The following CLDN25 variants were observed in gnomAD, a reference collection of about 807,000 sequenced individuals.
CLDN25 encodes claudin-25.
For synonymous variants in CLDN25, 117 were observed against 112.7 expected (o/e 1.04, Z -0.24); for missense variants, 286 against 279.7 (o/e 1.02, Z -0.16).
At chr11:113,780,154 T>G (rs1358522794) in exon 1 of CLDN25, 1 of 1,614,034 alleles carries the variant, frequency 6.2e-7, no homozygotes, top group East Asian at 2.2e-5. Flanking sequence ...CGGCTTGGTC[T>G]CCTGGGAAGG....
exon 1 of CLDN25, chr11:113,780,457 T>C: frequency 6.2e-7 from 1 of 1,613,344 alleles, no homozygotes. Flanking sequence ...TTCCACCTCA[T>C]GCTAAGACCT....
exon 1 of CLDN25, chr11:113,779,817 A>G (rs375569415): frequency 2.0e-5 from 32 of 1,611,972 alleles, no homozygotes; most frequent in South Asian, 1.5e-4. Flanking sequence ...TTTCCGTGCA[A>G]AAGTCCAGCT....
exon 1 of CLDN25, chr11:113,780,072 T>G: frequency 1.2e-6 from 2 of 1,614,028 alleles, no homozygotes; most frequent in Non-Finnish European, 1.7e-6. Flanking sequence ...GCTGGGCCTA[T>G]TGGGGCTTTT....
In CLDN25 at chr11:113,780,072, T is replaced by C. The variant is rs372181019; in HGVS notation, c.277T>C (p.Leu93=). Residue 93 remains leucine (L), a synonymous_variant, in exon 1 of 1, where the codon TTG becomes CTG. Transcript: ENST00000453129. Reference sequence around the variant, plus strand: ...GGTAGCCTCCCATGGGCTGGGCCTATTGGGGCTTTTGCTCTGCAGCTTTGG... The same window carrying C: ...GGTAGCCTCCCATGGGCTGGGCCTACTGGGGCTTTTGCTCTGCAGCTTTGG... The C allele has an allele frequency of 6.8e-6, 11 of 1,613,910 alleles. No homozygotes were observed. The African/African-American group carries it at 1.2e-4, about 18-fold the overall frequency.
At chr11:113,780,185 A>G in exon 1 of CLDN25, 1 of 1,613,982 alleles carries the variant, frequency 6.2e-7, no homozygotes. Flanking sequence ...CATCCGCTTC[A>G]GCCACTACCC....
chr11:113,780,208 C>G (rs1937804040), exon 1 of CLDN25: 1 of 1,613,968 alleles, frequency 6.2e-7, no homozygotes, highest in East Asian at 2.2e-5. Flanking sequence ...CTTCCAGTCT[C>G]CTGGGTGGCC....
chr11:113,780,008 G>A (rs368118465), exon 1 of CLDN25: 101 of 1,613,924 alleles, frequency 6.3e-5, no homozygotes, highest in Non-Finnish European at 6.9e-5. Context: ...AATCCTTCTT[G>A]TCTCTGCCCC....
chr11:113,780,458 G>T (rs751696048), exon 1 of CLDN25: 1 of 1,613,262 alleles, frequency 6.2e-7, no homozygotes, highest in Non-Finnish European at 8.5e-7. Context: ...TCCACCTCAT[G>T]CTAAGACCTA....
chr11:113,779,933 G>A lies in CLDN25; in HGVS notation c.138G>A (p.Trp46Ter). The change falls in exon 1 of 1, where the codon TGG (tryptophan) becomes TGA (stop). Residue 46 changes from tryptophan (W) to a stop codon, truncating the protein, a stop_gained. Transcript: ENST00000453129. LOFTEE classifies it low-confidence loss of function (END_TRUNC). ...TGGAACTGAACGAGATGGAGACCTG[G>A]ATCATGGGGATTTGGGAGGTCTGCG... 3 of 1,614,008 alleles carry A rather than the reference G, an allele frequency of 1.9e-6. No homozygotes were observed. Among genetic ancestry groups the A allele is most frequent in the Middle Eastern group, 1.6e-4 (1 of 6,062 alleles).
exon 1 of CLDN25, chr11:113,780,050 A>G (rs1315111495): frequency 2.2e-5 from 36 of 1,613,986 alleles, no homozygotes; most frequent in Non-Finnish European, 3.0e-5. Context: ...TCCTCATGGT[A>G]GCCTCCCATG....
chr11:113,779,813 T>C (rs1199620128), exon 1 of CLDN25: 1 of 1,611,496 alleles, frequency 6.2e-7, no homozygotes, highest in South Asian at 1.1e-5. Context: ...GGAGTTTCCG[T>C]GCAAAAGTCC....
At chr11:113,780,047 G>A (rs888715901) in exon 1 of CLDN25, 1 of 1,613,932 alleles carries the variant, frequency 6.2e-7, no homozygotes, top group Non-Finnish European at 8.5e-7. Context: ...GCATCCTCAT[G>A]GTAGCCTCCC....
At chr11:113,780,063 C>T in exon 1 of CLDN25, 4 of 1,614,044 alleles carry the variant, frequency 2.5e-6, no homozygotes, top group East Asian at 2.2e-5. Flanking sequence ...CTCCCATGGG[C>T]TGGGCCTATT....
chr11:113,780,407 C>T (rs1007283022), exon 1 of CLDN25: 1 of 1,613,872 alleles, frequency 6.2e-7, no homozygotes, highest in Non-Finnish European at 8.5e-7. Context: ...GTCCCACAGT[C>T]CCCCTATCCT....
exon 1 of CLDN25, chr11:113,780,220 A>G (rs1041778162): frequency 5.0e-6 from 8 of 1,613,818 alleles, no homozygotes; most frequent in Non-Finnish European, 5.9e-6. Context: ...TGGGTGGCCC[A>G]TGCCACAATC....
At chr11:113,780,242 G>C in exon 1 of CLDN25, 1 of 1,613,800 alleles carries the variant, frequency 6.2e-7, no homozygotes, top group South Asian at 1.1e-5. Flanking sequence ...AAGACTTCTG[G>C]GATGACAGCA....
At chr11:113,779,964 C>A in exon 1 of CLDN25, 2 of 1,613,696 alleles carry the variant, frequency 1.2e-6, no homozygotes, top group South Asian at 1.1e-5. Context: ...CTGCGTGGAT[C>A]GAGAGGAAGT....
rs368993117 is a variant in CLDN25 at position 113,780,144 on chromosome 11, C to T, written c.349C>T (p.Arg117Trp). The T allele has an allele frequency of 6.8e-5, 110 of 1,613,892 alleles. No homozygotes were observed. The highest frequency in any genetic ancestry group is 6.6e-4 in the Middle Eastern group (4 of 6,084). The change falls in exon 1 of 1, where the codon CGG (arginine) becomes TGG (tryptophan). Residue 117 changes from arginine (R) to tryptophan (W), a missense_variant. Arg to Trp is a moderately radical substitution (Grantham distance 101). Transcript: ENST00000453129. ...CAGGATCAGATGGGTATTCAAGAGG[C>T]GGCTTGGTCTCCTGGGAAGGACTTT...
exon 1 of CLDN25, chr11:113,779,854 G>T (rs373997049): frequency 3.1e-6 from 5 of 1,613,776 alleles, no homozygotes; most frequent in African/African-American, 2.7e-5. Context: ...TCCCTCCTTG[G>T]CTGGGTCTGC....
Sources: allele counts gnomAD v4.1 joint callset, GRCh38; gene constraint gnomAD v4.1.1; transcripts MANE v1.5; gene names NCBI Gene and HGNC (gene_info 2026-07-23, HGNC 2026-07-21).